Variants in ZNF565 observed in about 807,000 individuals in gnomAD.
The protein encoded by ZNF565 is zinc finger protein 565.
Under a neutral mutation model 39.4 loss-of-function variants are expected in ZNF565, and 27 were observed. That is an observed-to-expected ratio of 0.69 (90% confidence interval 0.51 to 0.95). ZNF565 has a LOEUF of 0.95. Among genes scored for constraint, ZNF565 ranks in the 40% least tolerant of loss-of-function variants. The pLI, the probability that ZNF565 is intolerant of heterozygous loss-of-function variation, is 0.00. For synonymous variants in ZNF565, 185 were observed against 216.6 expected, an observed-to-expected ratio of 0.85 and a Z score of 1.28; for missense variants, 524 against 621.1, an observed-to-expected ratio of 0.84 and a Z score of 1.66.
rs116015463 is a variant in ZNF565 at position 36,241,921 on chromosome 19, T to C, written c.55+3555A>G. ...AGAGATAAACTCTTGGAGGAAAACATAGGAACATAGGAGTAAATCTTCATG... is the reference window on the plus strand; with the variant it reads ...AGAGATAAACTCTTGGAGGAAAACACAGGAACATAGGAGTAAATCTTCATG... On this transcript the variant is annotated intron_variant, in intron 1 of 4. Transcript: ENST00000355114. 6.9e-3 allele frequency among the ~76,000 whole-genome samples: 1,054 copies of C among 151,674 alleles called. 13 individuals carry two copies. Among genetic ancestry groups the C allele is most frequent in the African/African-American group, 0.02 (821 of 41,310 alleles).
intron 1 of ZNF565, among the ~76,000 whole-genome samples, chr19:36,209,715 T>A (rs1268439157): frequency 1.3e-5 from 2 of 152,110 alleles, no homozygotes; most frequent in Admixed American, 1.3e-4. Flanking sequence ...CAATCTATAT[T>A]ACACATAAAT....
At chr19:36,231,707 T>C (rs1411332195) in intron 1 of ZNF565, among the ~76,000 whole-genome samples, 1 of 152,106 alleles carries the variant, frequency 6.6e-6, no homozygotes, top group Non-Finnish European at 1.5e-5. Flanking sequence ...ACCAGTTTCA[T>C]GTTATTTCTG....
chr19:36,236,266 A>G, intron 1 of ZNF565: 1 of 742,524 alleles, frequency 1.3e-6, no homozygotes, highest in Non-Finnish European at 2.1e-6. Context: ...TATACTGAGT[A>G]TGATAACATT....
At chr19:36,199,387 C>G (rs1975874323) in intron 2 of ZNF565, among the ~76,000 whole-genome samples, 1 of 152,140 alleles carries the variant, frequency 6.6e-6, no homozygotes, top group Non-Finnish European at 1.5e-5. Flanking sequence ...CAGAGACCAA[C>G]ACCAATCACT....
chr19:36,219,706 T>C (rs990477251), intron 1 of ZNF565, among the ~76,000 whole-genome samples: 2 of 152,336 alleles, frequency 1.3e-5, no homozygotes, highest in Admixed American at 1.3e-4. Flanking sequence ...CAATACATAA[T>C]TCTTGGCTGG....
chr19:36,211,717 A>G (rs992585479), intron 1 of ZNF565, among the ~76,000 whole-genome samples: 1 of 151,498 alleles, frequency 6.6e-6, no homozygotes, highest in Non-Finnish European at 1.5e-5. Context: ...CGCATGAACC[A>G]GGGAGGCGGA....
At chr19:36,222,778 CTTTTTTTT>C in intron 1 of ZNF565, among the ~76,000 whole-genome samples, 1 of 100,892 alleles carries the variant, frequency 9.9e-6, no homozygotes, top group Middle Eastern at 6.3e-3. Flanking sequence ...TGAGTGGTGG[CTTTTTTTT>C]TTTTTTTTTT....
intron 4 of ZNF565, among the ~76,000 whole-genome samples, chr19:36,193,527 G>A (rs1341739462): frequency 3.5e-5 from 5 of 143,466 alleles, no homozygotes; most frequent in African/African-American, 7.8e-5. Context: ...TGCAAGCTCC[G>A]CCTCCCGGGT....
intron 1 of ZNF565, chr19:36,238,589 GGAGT>G (rs1454591966): frequency 6.0e-6 from 1 of 166,942 alleles, no homozygotes; most frequent in African/African-American, 2.4e-5. Context: ...AATAGGAATG[GGAGT>G]GAGGATGGGA....
At chr19:36,209,124 G>A (rs1368582976) in intron 1 of ZNF565, among the ~76,000 whole-genome samples, 1 of 152,012 alleles carries the variant, frequency 6.6e-6, no homozygotes, top group East Asian at 1.9e-4. Context: ...AATCATTTAC[G>A]CCTGTAATTT....
chr19:36,199,431 G>C (rs566584514), intron 2 of ZNF565, among the ~76,000 whole-genome samples: 41 of 152,030 alleles, frequency 2.7e-4, no homozygotes, highest in South Asian at 1.2e-3. Flanking sequence ...GAGAGAGAAG[G>C]CTGTGGGCTT....
Position 36,193,874 on chromosome 19 carries a change from G to A in ZNF565, c.232+359C>T, listed in dbSNP as rs142722428. 2.6e-3 allele frequency among the ~76,000 whole-genome samples: 396 copies of A among 152,238 alleles called. 3 individuals are homozygous for A. The highest frequency in any genetic ancestry group is 8.8e-3 in the African/African-American group (366 of 41,552). ...CGCTTAAGCCCAAGAGATGGAGGCT[G>A]CAGTGAGCTATGATCACGCCACTGC... On this transcript the variant is annotated intron_variant, in intron 4 of 4. Coordinates refer to ENST00000304116, the MANE Select transcript of ZNF565 (RefSeq NM_152477.5).
chr19:36,218,868 G>A (rs1976722818), upstream of ZNF565, among the ~76,000 whole-genome samples: 1 of 151,406 alleles, frequency 6.6e-6, no homozygotes, highest in Admixed American at 6.6e-5. Flanking sequence ...GAGTGCAGTG[G>A]TGCTATCTTG....
At chr19:36,208,368 T>G (rs916628723) in intron 1 of ZNF565, among the ~76,000 whole-genome samples, 1 of 151,880 alleles carries the variant, frequency 6.6e-6, no homozygotes, top group Non-Finnish European at 1.5e-5. Context: ...CCTGGCTAAT[T>G]TTAAAATTTT....
Position 36,182,971 on chromosome 19 carries a change from T to C in ZNF565, c.995A>G (p.Glu332Gly). Residue 332 changes from glutamate to glycine, a missense_variant, in exon 5 of 5, where the codon GAG becomes GGG. Transcript: ENST00000304116. ...GCATTCCTTACACTCGTAGGGTTTC[T>C]CACCAGTGTGGATTCGCTGGTGTAC... ...LTVHQRIHTG[E>G]KPYECKECGK... 1 of 1,614,202 alleles carries C rather than the reference T, an allele frequency of 6.2e-7. No individual in the cohort carries two copies. Among genetic ancestry groups the C allele is most frequent in the South Asian group, 1.1e-5 (1 of 91,088 alleles).
chr19:36,237,107 C>A (rs778830074), intron 1 of ZNF565: 1 of 1,614,164 alleles, frequency 6.2e-7, no homozygotes, highest in Non-Finnish European at 8.5e-7. Flanking sequence ...AGCCTTCTCT[C>A]AGAGCTCATC....
intron 1 of ZNF565, among the ~76,000 whole-genome samples, chr19:36,221,215 T>G (rs1976820726): frequency 6.6e-6 from 1 of 152,184 alleles, no homozygotes; most frequent in Non-Finnish European, 1.5e-5. Context: ...GAAATCGTTT[T>G]TCTGAGGAAT....
intron 2 of ZNF565, among the ~76,000 whole-genome samples, chr19:36,198,240 T>G (rs957383076): frequency 2.0e-5 from 3 of 152,122 alleles, no homozygotes; most frequent in Admixed American, 1.3e-4. Flanking sequence ...AACCCAAGTG[T>G]CTGTCAACAG....
chr19:36,245,505 C>T lies in ZNF565; in HGVS notation c.26G>A (p.Trp9Ter). ...GTCCAGGCGGTGACTTGCGAGGGAC[C>T]ACCTTTCCCAGGGTCCACGGCGCAT... Residue 9 changes from tryptophan (W) to a stop codon, truncating the protein, a stop_gained, in exon 1 of 5, where the codon TGG becomes TAG. Transcript: ENST00000355114. LOFTEE classifies it high-confidence loss of function. This position sits in a 1 kb window ranked among gnomAD's most constrained non-coding sequence, Gnocchi z 4.4. 1.4e-6 allele frequency: 1 copy of T among 702,218 alleles called. No individual in the cohort carries two copies. The highest frequency in any genetic ancestry group is 2.6e-6 in the Non-Finnish European group (1 of 384,784). 43.5% of individuals were successfully genotyped at this position (702,218 alleles called of 1,614,324 possible). A position where few individuals can be genotyped will look rare whatever the true frequency, so the allele number is the denominator to read the frequency against.
Sources: allele counts gnomAD v4.1 joint callset (sites outside exome capture counted in the v4.1 genomes callset), GRCh38; gene constraint gnomAD v4.1.1; non-coding constraint Gnocchi (gnomAD v3.1); transcripts MANE v1.5; gene names NCBI Gene and HGNC (gene_info 2026-07-23, HGNC 2026-07-21).